The following BOLL variants were observed in gnomAD, a reference collection of about 807,000 sequenced individuals.
BOLL encodes the protein protein boule-like.
In BOLL, 23 loss-of-function variants were observed where a neutral mutation model predicts 44.4. That is an observed-to-expected ratio of 0.52 (90% CI 0.37 to 0.73). The LOEUF (loss-of-function observed/expected upper bound fraction) is 0.73, where lower values mean the gene tolerates loss of function less well. Among genes scored for constraint, BOLL ranks in the 30% least tolerant of loss-of-function variants. The probability of loss-of-function intolerance (pLI) is 0.00; values close to 1 mark genes in which losing one functional copy is unlikely to be tolerated. For synonymous variants in BOLL, 97 were observed against 110.8 expected (o/e 0.88, Z 0.78); for missense variants, 287 against 338.3 (o/e 0.85, Z 1.19).
intron 1 of BOLL, among the ~76,000 whole-genome samples, chr2:197,783,027 G>A (rs1215400823): frequency 2.6e-5 from 4 of 152,010 alleles, no homozygotes; most frequent in Admixed American, 2.0e-4. Context: ...CAAGACTTGA[G>A]AATCACATTG....
chr2:197,766,694 A>G lies in BOLL; in HGVS notation c.481-91T>C, dbSNP rs894490289. The stretch of plus-strand genomic sequence containing the variant: ...CTCAAATTATTACCTAAACCCAGTA[A>G]ACTTCTGGTTTATGATTAGAAATAT... On this transcript the variant is annotated intron_variant, in intron 6 of 10. Transcript: ENST00000392296. The G allele has an allele frequency of 5.6e-6, 5 of 891,308 alleles. No individual in the cohort carries two copies. In the African/African-American group the frequency reaches 8.4e-5, roughly 15 times the overall value. The allele number at this position is 891,308 out of a possible 1,614,324, so 55.2% of individuals were successfully genotyped here.
intron 9 of BOLL, among the ~76,000 whole-genome samples, chr2:197,744,002 G>A (rs569877156): frequency 8.5e-4 from 129 of 152,040 alleles, no homozygotes; most frequent in African/African-American, 3.0e-3. Context: ...GTAGAGACGG[G>A]GTTTCACCGT....
intron 7 of BOLL, chr2:197,759,093 C>T: frequency 9.7e-7 from 1 of 1,033,298 alleles, no homozygotes; most frequent in Non-Finnish European, 1.4e-6. Context: ...CCCACCCCGC[C>T]ACAAGAAAAG....
rs1689417255 is a variant in BOLL at position 197,774,477 on chromosome 2, GA to G, written c.352+1187del. Reference sequence around the variant, plus strand: ...ATAACAATACATCATGGGATTCTATGAAGATTAAATGAAAACTCATAACATT... The same window carrying G: ...ATAACAATACATCATGGGATTCTATGAGATTAAATGAAAACTCATAACATT... On this transcript the variant is annotated intron_variant, in intron 5 of 10. Transcript: ENST00000392296. 2.0e-5 allele frequency: 3 copies of G among 152,268 alleles called. No homozygotes were observed. The East Asian group carries it at 5.8e-4, about 29-fold the overall frequency. The allele number at this position is 152,268 out of a possible 1,614,324, so 9.4% of individuals were successfully genotyped here. A position where few individuals can be genotyped will look rare whatever the true frequency, so the allele number is the denominator to read the frequency against.
chr2:197,781,632 T>C, intron 2 of BOLL, 90 bp downstream of exon 2: 3 of 1,211,842 alleles, frequency 2.5e-6, no homozygotes, highest in Non-Finnish European at 3.3e-6. Flanking sequence ...TATGCAAATA[T>C]GTTATTTTAT....
At chr2:197,780,332 A>G (rs896459859) in intron 2 of BOLL, among the ~76,000 whole-genome samples, 8 of 152,066 alleles carry the variant, frequency 5.3e-5, no homozygotes, top group African/African-American at 1.9e-4. Flanking sequence ...AAAAGGTATA[A>G]GTATACAGGA....
intron 2 of BOLL, among the ~76,000 whole-genome samples, chr2:197,780,160 C>T (rs1361368303): frequency 6.6e-6 from 1 of 151,984 alleles, no homozygotes; most frequent in African/African-American, 2.4e-5. Context: ...ATCACTACCT[C>T]AATTTTGTAG....
intron 5 of BOLL, among the ~76,000 whole-genome samples, chr2:197,772,308 A>G (rs1057297980): frequency 1.3e-5 from 2 of 152,068 alleles, no homozygotes; most frequent in Non-Finnish European, 2.9e-5. Flanking sequence ...TCATCAGCGA[A>G]GTAATTATTT....
At chr2:197,772,144 T>C (rs558567970) in intron 5 of BOLL, among the ~76,000 whole-genome samples, 162 bp from the exon 6 acceptor site, 1 of 152,200 alleles carries the variant, frequency 6.6e-6, no homozygotes, top group African/African-American at 2.4e-5. Flanking sequence ...TGTCAAAGTA[T>C]CTTTGAAGCC....
chr2:197,728,601 AG>A, intron 10 of BOLL, 23 bp from the exon 11 acceptor site: 2 of 1,512,824 alleles, frequency 1.3e-6, no homozygotes, highest in Non-Finnish European at 1.8e-6. Flanking sequence ...GAGAAAATAT[AG>A]ATCAGGAAGA....
In BOLL at chr2:197,766,600, G is replaced by T. The variant is rs753383912; in HGVS notation, c.484C>A (p.Arg162Ser). ...VTSVPPPWPS[R>S]SVCSSPVMVA... ...ATCACAGGGGAGCTACATACAGAACGTGACTATAAAAGGATGGAAAAAGAA... is the reference window on the plus strand; with the variant it reads ...ATCACAGGGGAGCTACATACAGAACTTGACTATAAAAGGATGGAAAAAGAA... Residue 162 changes from arginine (R) to serine (S), a missense_variant, in exon 7 of 11, where the codon CGT becomes AGT. By Grantham distance (110) the Arg-to-Ser change is moderately radical. Coordinates refer to ENST00000392296, the MANE Select transcript of BOLL (RefSeq NM_033030.6). 1 of 1,611,232 alleles carries T rather than the reference G, an allele frequency of 6.2e-7. No homozygotes were observed. The highest frequency in any genetic ancestry group is 2.2e-5 in the East Asian group (1 of 44,816).
At chr2:197,742,377 C>A (rs1488176205) in intron 10 of BOLL, among the ~76,000 whole-genome samples, 2 of 152,086 alleles carry the variant, frequency 1.3e-5, no homozygotes, top group Non-Finnish European at 2.9e-5. Flanking sequence ...ATGTTTATTG[C>A]GGCACTATTC....
At position 197,727,095 on chromosome 2, in the gene BOLL, T is replaced by G. The variant is rs975383162; in HGVS notation, c.*1460A>C. 6.6e-6 allele frequency: 1 copy of G among 152,476 alleles called. No homozygotes were observed. The highest frequency in any genetic ancestry group is 2.4e-5 in the African/African-American group (1 of 41,454). The allele number at this position is 152,476 out of a possible 1,614,324, so 9.4% of individuals were successfully genotyped here. Reference sequence around the variant, plus strand: ...GTGGGACTTAATCTATTTACATTCCTAAAACTGAGAATAATTAATGTATTT... The same window carrying G: ...GTGGGACTTAATCTATTTACATTCCGAAAACTGAGAATAATTAATGTATTT... On this transcript the variant is annotated 3_prime_UTR_variant, in exon 11 of 11. Transcript: ENST00000392296.
At chr2:197,733,861 A>T (rs1065952) in intron 10 of BOLL, among the ~76,000 whole-genome samples, 75,416 of 151,976 alleles carry the variant, frequency 0.5, 19,419 homozygotes, top group African/African-American at 0.6. Flanking sequence ...TAAAAACCCT[A>T]GAAGAAAACC....
At position 197,739,571 on chromosome 2, in the gene BOLL, T is replaced by C. The variant is rs368934581; in HGVS notation, c.828+3490A>G. Reference sequence around the variant, plus strand: ...AACTCCTGGCTTCAAGCAATCCTCCTACCTTGGCCTCCCAAAGTGCTGGGA... The same window carrying C: ...AACTCCTGGCTTCAAGCAATCCTCCCACCTTGGCCTCCCAAAGTGCTGGGA... On this transcript the variant is annotated intron_variant, in intron 10 of 10. Transcript: ENST00000392296. Among the ~76,000 whole-genome samples, 29 of 152,292 alleles carry C rather than the reference T, an allele frequency of 1.9e-4. 1 individual carries two copies. The highest frequency in any genetic ancestry group is 6.5e-4 in the African/African-American group (27 of 41,576).
intron 10 of BOLL, among the ~76,000 whole-genome samples, chr2:197,742,132 T>C (rs945787549): frequency 1.3e-5 from 2 of 152,146 alleles, no homozygotes; most frequent in African/African-American, 4.8e-5. Flanking sequence ...TTACACCAGT[T>C]AGAATGGCGA....
chr2:197,785,473 G>T, upstream of BOLL: 1 of 818,718 alleles, frequency 1.2e-6, no homozygotes, highest in Non-Finnish European at 1.5e-6. This position sits in a 1 kb window ranked among gnomAD's most constrained non-coding sequence, Gnocchi z 6.7. Flanking sequence ...CACAGCCAGG[G>T]CTAGAGTGTC....
intron 10 of BOLL, among the ~76,000 whole-genome samples, chr2:197,732,076 GAA>G (rs1391972510): frequency 6.7e-6 from 1 of 149,362 alleles, no homozygotes; most frequent in Non-Finnish European, 1.5e-5. Context: ...GACTAATAAA[GAA>G]AAAAAGAGAG....
At position 197,777,425 on chromosome 2, in the gene BOLL, C is replaced by T. The variant is rs187157061; in HGVS notation, c.222-312G>A. ...ATTGGGGATGCAATAAATTTCAATC[C>T]AGAGCAATAATCTCCTTTTAAACTA... On this transcript the variant is annotated intron_variant, in intron 3 of 10. Coordinates refer to ENST00000392296, the MANE Select transcript of BOLL (RefSeq NM_033030.6). Among the ~76,000 whole-genome samples the T allele has an allele frequency of 4.0e-3, 612 of 151,864 alleles. 3 individuals carry two copies. Among genetic ancestry groups the T allele is most frequent in the African/African-American group, 0.014 (589 of 41,492 alleles).
Sources: allele counts gnomAD v4.1 joint callset (sites outside exome capture counted in the v4.1 genomes callset), GRCh38; gene constraint gnomAD v4.1.1; non-coding constraint Gnocchi (gnomAD v3.1); transcripts MANE v1.5; gene names NCBI Gene and HGNC (gene_info 2026-07-23, HGNC 2026-07-21).